WLS: variants seen among roughly 807,000 people sequenced by gnomAD.
WLS encodes protein wntless homolog.
In WLS, 23 loss-of-function variants were observed where a neutral mutation model predicts 62.8. That is an observed-to-expected ratio of 0.37 (90% CI 0.26 to 0.52). The LOEUF is 0.52. WLS is among the 20% of genes least tolerant of loss of function. The probability of loss-of-function intolerance (pLI) is 0.92; values close to 1 mark genes in which losing one functional copy is unlikely to be tolerated. For synonymous variants in WLS, 246 were observed against 244.1 expected (o/e 1.01, Z -0.07); for missense variants, 615 against 697.3 (o/e 0.88, Z 1.33).
chr1:68,131,400 T>A (rs894687905), intron 11 of WLS, among the ~76,000 whole-genome samples: 1 of 152,050 alleles, frequency 6.6e-6, no homozygotes, highest in Admixed American at 6.5e-5. Context: ...CACCCTCAGT[T>A]AGAAAACAAG....
At chr1:68,185,418 C>T (rs1647868655) in intron 2 of WLS, among the ~76,000 whole-genome samples, 1 of 152,174 alleles carries the variant, frequency 6.6e-6, no homozygotes, top group South Asian at 2.1e-4. Flanking sequence ...CCCTGACCCT[C>T]TGGCAGCAGA....
intron 1 of WLS, among the ~76,000 whole-genome samples, chr1:68,228,633 A>C (rs763154389): frequency 1.1e-4 from 16 of 152,024 alleles, no homozygotes; most frequent in Non-Finnish European, 2.4e-4. Context: ...CCGCATTTTT[A>C]AATAATTTCT....
intron 11 of WLS, among the ~76,000 whole-genome samples, chr1:68,106,702 G>A (rs1183114247): frequency 2.0e-5 from 3 of 150,598 alleles, no homozygotes; most frequent in African/African-American, 7.4e-5. Flanking sequence ...AAACGCGTGT[G>A]CATGTGTTTG....
chr1:68,107,755 T>G (rs1646167357), intron 11 of WLS, among the ~76,000 whole-genome samples: 1 of 152,192 alleles, frequency 6.6e-6, no homozygotes. Flanking sequence ...TATTTTTTTA[T>G]TACCCACATG....
chr1:68,116,155 A>C (rs1646288882), intron 11 of WLS, among the ~76,000 whole-genome samples: 1 of 152,168 alleles, frequency 6.6e-6, no homozygotes, highest in African/African-American at 2.4e-5. Flanking sequence ...AGGACCTTAC[A>C]ATAGGGACCA....
chr1:68,159,513 G>A (rs1646943918), intron 2 of WLS, among the ~76,000 whole-genome samples: 1 of 152,130 alleles, frequency 6.6e-6, no homozygotes, highest in Non-Finnish European at 1.5e-5. Flanking sequence ...CTCTCTGAGG[G>A]AGCACAAATG....
intron 1 of WLS, among the ~76,000 whole-genome samples, chr1:68,203,617 G>A (rs750660293): frequency 6.6e-6 from 1 of 152,150 alleles, no homozygotes; most frequent in Non-Finnish European, 1.5e-5. Context: ...TTTTTACCGG[G>A]TCTTGGTTAT....
At chr1:68,168,130 C>T (rs1023220751) in intron 2 of WLS, among the ~76,000 whole-genome samples, 1 of 152,018 alleles carries the variant, frequency 6.6e-6, no homozygotes, top group African/African-American at 2.4e-5. Flanking sequence ...CTAGAAATCG[C>T]TAGGAAAGAG....
intron 11 of WLS, among the ~76,000 whole-genome samples, chr1:68,114,909 G>C (rs1470983242): frequency 6.6e-6 from 1 of 152,222 alleles, no homozygotes. Flanking sequence ...GACCTCAGTG[G>C]TAGGCCTGGG....
chr1:68,149,579 A>T (rs544459548), intron 6 of WLS, among the ~76,000 whole-genome samples: 1 of 152,192 alleles, frequency 6.6e-6, no homozygotes, highest in South Asian at 2.1e-4. Context: ...CTGGCATATC[A>T]TCTTAGCCAC....
intron 2 of WLS, among the ~76,000 whole-genome samples, chr1:68,190,719 A>T (rs1399190941): frequency 1.3e-5 from 2 of 151,940 alleles, no homozygotes; most frequent in Admixed American, 1.3e-4. Flanking sequence ...TGAGCCAGAG[A>T]CTCCCAAACT....
intron 1 of WLS, among the ~76,000 whole-genome samples, chr1:68,203,842 G>A (rs1456886458): frequency 6.6e-6 from 1 of 152,174 alleles, no homozygotes; most frequent in Non-Finnish European, 1.5e-5. Context: ...TCAGGAAAGG[G>A]TGGGTTCCTC....
chr1:68,125,551 T>C lies in WLS; in HGVS notation c.*675A>G, dbSNP rs939893032. ...TACAGTAAATCTTACTTGGGTAGTT[T>C]AGCAAACATTTTTTAAAACCCACAT... On this transcript the variant is annotated 3_prime_UTR_variant, in exon 12 of 12. Transcript: ENST00000262348. The C allele has an allele frequency of 7.1e-6, 7 of 985,328 alleles. No homozygotes were observed. The highest frequency in any genetic ancestry group is 6.1e-5 in the Admixed American group (1 of 16,276). The allele number at this position is 985,328 out of a possible 1,614,324, so 61.0% of individuals were successfully genotyped here.
intron 2 of WLS, among the ~76,000 whole-genome samples, chr1:68,167,509 G>C (rs58584549): frequency 0.063 from 9,573 of 152,184 alleles, 522 homozygotes; most frequent in African/African-American, 0.15. Flanking sequence ...TGAAGGCGAG[G>C]AATCCAATTT....
intron 1 of WLS, among the ~76,000 whole-genome samples, chr1:68,207,340 G>A (rs1294361119): frequency 2.0e-5 from 3 of 152,088 alleles, no homozygotes; most frequent in African/African-American, 7.2e-5. Context: ...TATTTTTTAG[G>A]ATGATAGAAA....
At chr1:68,189,644 T>A (rs6688854) in intron 2 of WLS, among the ~76,000 whole-genome samples, 5,712 of 152,274 alleles carry the variant, frequency 0.038, 349 homozygotes, top group African/African-American at 0.13. Flanking sequence ...GGTGTAGAAG[T>A]AAGAATTGGA....
chr1:68,186,112 C>T (rs1031476099), intron 2 of WLS, among the ~76,000 whole-genome samples: 1 of 152,178 alleles, frequency 6.6e-6, no homozygotes, highest in African/African-American at 2.4e-5. Context: ...AAATTTATTA[C>T]TATAAAGTAC....
chr1:68,162,935 T>C (rs796610720), intron 2 of WLS: 2 of 1,584,788 alleles, frequency 1.3e-6, no homozygotes, highest in Admixed American at 1.7e-5. Context: ...TGGCCAGGTC[T>C]TTCAGGATGG....
chr1:68,111,049 A>G (rs1646222964), intron 11 of WLS, among the ~76,000 whole-genome samples: 1 of 152,246 alleles, frequency 6.6e-6, no homozygotes, highest in Admixed American at 6.5e-5. Context: ...AACTACACAA[A>G]TCATCAAAGA....
Sources: allele counts gnomAD v4.1 joint callset (sites outside exome capture counted in the v4.1 genomes callset), GRCh38; gene constraint gnomAD v4.1.1; transcripts MANE v1.5; gene names NCBI Gene and HGNC (gene_info 2026-07-23, HGNC 2026-07-21).